Variants in NEIL3 observed in about 807,000 individuals in gnomAD.
The protein encoded by NEIL3 is nei like DNA glycosylase 3.
Under a neutral mutation model 57.5 loss-of-function variants are expected in NEIL3, and 48 were observed. The observed-to-expected ratio is 0.83, with a 90% CI of 0.66 to 1.06. The LOEUF is 1.06. Among genes scored for constraint, NEIL3 ranks in the 50% least tolerant of loss-of-function variants. NEIL3 has a pLI of 0.00. For synonymous variants in NEIL3, 261 were observed against 253.2 expected (o/e 1.03, Z -0.29); for missense variants, 717 against 739.1 (o/e 0.97, Z 0.35).
At chr4:177,355,862 A>C (rs1735461839) in intron 8 of NEIL3, among the ~76,000 whole-genome samples, 1 of 151,986 alleles carries the variant, frequency 6.6e-6, no homozygotes. Flanking sequence ...TTTATCCTTG[A>C]CTGGTTTTTT....
Position 177,362,516 on chromosome 4 carries a change from AT to A in NEIL3, c.*46del. The A allele has an allele frequency of 2.1e-6, 3 of 1,418,556 alleles. No homozygotes were observed. The highest frequency in any genetic ancestry group is 1.3e-5 in the South Asian group (1 of 75,422). The allele number at this position is 1,418,556 out of a possible 1,614,324, so 87.9% of individuals were successfully genotyped here. A position where few individuals can be genotyped will look rare whatever the true frequency, so the allele number is the denominator to read the frequency against. ...ATTTAGTCTCTTCAAACTGTGTATA[AT>A]GTTTGGTCCTCCTCTGTTTCATAGA... On this transcript the variant is annotated 3_prime_UTR_variant, in exon 10 of 10. Coordinates refer to ENST00000264596, the MANE Select transcript of NEIL3 (RefSeq NM_018248.3).
intron 8 of NEIL3, among the ~76,000 whole-genome samples, chr4:177,359,162 A>G (rs1015658874): frequency 4.6e-5 from 7 of 152,170 alleles, no homozygotes; most frequent in Non-Finnish European, 1.0e-4. Flanking sequence ...GGTATTACCC[A>G]TGACTTGAAA....
At chr4:177,351,604 C>A in intron 7 of NEIL3, 55 bp downstream of exon 7, 1 of 1,357,976 alleles carries the variant, frequency 7.4e-7, no homozygotes, top group Non-Finnish European at 1.0e-6. Context: ...GTTAATTATA[C>A]AAAGTCAGGA....
chr4:177,326,968 G>A (rs1162253577), intron 2 of NEIL3, among the ~76,000 whole-genome samples: 1 of 152,110 alleles, frequency 6.6e-6, no homozygotes, highest in African/African-American at 2.4e-5. Context: ...ATGTGTCGAG[G>A]TGTGGGGGGG....
chr4:177,346,838 A>G lies in NEIL3; in HGVS notation c.870-4542A>G, dbSNP rs141926014. 3.6e-3 allele frequency among the ~76,000 whole-genome samples: 546 copies of G among 152,164 alleles called. 6 individuals carry two copies. Among genetic ancestry groups the G allele is most frequent in the African/African-American group, 0.012 (478 of 41,516 alleles). The stretch of plus-strand genomic sequence containing the variant: ...AATGTGGGAAACCCCATCTCTACGA[A>G]AAATACAAAAATTAGCTGGGTGTGG... On this transcript the variant is annotated intron_variant, in intron 6 of 9. Coordinates refer to ENST00000264596, the MANE Select transcript of NEIL3 (RefSeq NM_018248.3).
At chr4:177,344,595 C>A (rs1364785818) in intron 6 of NEIL3, among the ~76,000 whole-genome samples, 1 of 151,132 alleles carries the variant, frequency 6.6e-6, no homozygotes, top group African/African-American at 2.4e-5. Flanking sequence ...GAGTCTCACT[C>A]TGATCACCCA....
chr4:177,351,567 TTTTGAG>T lies in NEIL3; in HGVS notation c.1039+23_1039+28del, dbSNP rs1735354206. 6.9e-6 allele frequency: 11 copies of T among 1,597,586 alleles called. No individual in the cohort carries two copies. Among genetic ancestry groups the T allele is most frequent in the Admixed American group, 3.4e-5 (2 of 58,214 alleles). ...GCCTATTGGTAAGACTGAATTTTGA[TTTTGAG>T]TTTGTTACATTTCTAAGAGGGTTAA... On this transcript the variant is annotated intron_variant, in intron 7 of 9. Transcript: ENST00000264596.
At chr4:177,357,159 C>T (rs1366233352) in intron 8 of NEIL3, 1 of 152,082 alleles carries the variant, frequency 6.6e-6, no homozygotes, top group Non-Finnish European at 1.5e-5. Flanking sequence ...TGTTTTAATC[C>T]TCGAAATAAT....
Position 177,310,115 on chromosome 4 carries a change from C to A in NEIL3, c.156+6C>A, listed in dbSNP as rs1373596950. ...CGGTTGTGGTCTCCCCGCAGGTGAGCTACTCCTGTAACAGGCCATGCAGTC... is the reference window on the plus strand; with the variant it reads ...CGGTTGTGGTCTCCCCGCAGGTGAGATACTCCTGTAACAGGCCATGCAGTC... On this transcript the variant is annotated splice_donor_region_variant and intron_variant, in intron 1 of 9. Transcript: ENST00000264596. 6.4e-7 allele frequency: 1 copy of A among 1,566,464 alleles called. No homozygotes were observed. Among genetic ancestry groups the A allele is most frequent in the African/African-American group, 1.4e-5 (1 of 71,980 alleles).
At chr4:177,317,549 T>C (rs1734597027) in intron 1 of NEIL3, among the ~76,000 whole-genome samples, 1 of 151,912 alleles carries the variant, frequency 6.6e-6, no homozygotes, top group African/African-American at 2.4e-5. Context: ...ACCAAAACTT[T>C]GTTTTGCTAA....
At chr4:177,347,407 G>A (rs1369771689) in intron 6 of NEIL3, among the ~76,000 whole-genome samples, 1 of 152,160 alleles carries the variant, frequency 6.6e-6, no homozygotes, top group Non-Finnish European at 1.5e-5. Context: ...GGAGCCTTTG[G>A]AGGGTTTTGA....
intron 8 of NEIL3, among the ~76,000 whole-genome samples, chr4:177,354,939 A>G (rs918346856): frequency 3.9e-5 from 6 of 152,176 alleles, no homozygotes; most frequent in Non-Finnish European, 5.9e-5. Context: ...GTCACCTGTG[A>G]TACAGAAATT....
chr4:177,323,818 C>A (rs1240442531), intron 2 of NEIL3, among the ~76,000 whole-genome samples: 1 of 152,092 alleles, frequency 6.6e-6, no homozygotes, highest in Non-Finnish European at 1.5e-5. Context: ...TGCTCTCCAC[C>A]AGACTGATAA....
intron 2 of NEIL3, among the ~76,000 whole-genome samples, chr4:177,327,167 C>A (rs904251231): frequency 2.0e-5 from 3 of 152,106 alleles, no homozygotes; most frequent in Non-Finnish European, 4.4e-5. Context: ...TTTCACCTTC[C>A]ACCATGATTG....
intron 2 of NEIL3, among the ~76,000 whole-genome samples, chr4:177,323,826 T>C (rs1007629713): frequency 1.3e-5 from 2 of 152,142 alleles, no homozygotes; most frequent in Non-Finnish European, 2.9e-5. Context: ...ACCAGACTGA[T>C]AAGGGGGAAG....
chr4:177,343,330 C>T (rs34268699), intron 6 of NEIL3: 8 of 152,146 alleles, frequency 5.3e-5, no homozygotes, highest in African/African-American at 1.9e-4. Context: ...TCCAACTTCT[C>T]AGTTCAGTAA....
rs1286540678 is a variant in NEIL3 at position 177,313,223 on chromosome 4, CA to C, written c.156+3120del. Reference sequence around the variant, plus strand: ...ATATTTAAACCTCAGATAATCATACCAAAAAACAAACCAAAAAACACTACTT... The same window carrying C: ...ATATTTAAACCTCAGATAATCATACCAAAAACAAACCAAAAAACACTACTT... On this transcript the variant is annotated intron_variant, in intron 1 of 9. Coordinates refer to ENST00000264596, the MANE Select transcript of NEIL3 (RefSeq NM_018248.3). Among the ~76,000 whole-genome samples the C allele has an allele frequency of 6.6e-5, 10 of 152,106 alleles. No individual in the cohort carries two copies. In the East Asian group the frequency reaches 1.5e-3, roughly 24 times the overall value.
chr4:177,357,034 C>T (rs1735487268), intron 8 of NEIL3: 1 of 152,202 alleles, frequency 6.6e-6, no homozygotes, highest in Non-Finnish European at 1.5e-5. Context: ...TGTCTTTAAT[C>T]ACCAGTGCAA....
intron 6 of NEIL3, among the ~76,000 whole-genome samples, chr4:177,347,185 G>T (rs1735239974): frequency 6.6e-6 from 1 of 152,104 alleles, no homozygotes; most frequent in African/African-American, 2.4e-5. Flanking sequence ...GAAAAGATTT[G>T]ATGACTTGTA....
Sources: allele counts gnomAD v4.1 joint callset (sites outside exome capture counted in the v4.1 genomes callset), GRCh38; gene constraint gnomAD v4.1.1; transcripts MANE v1.5; gene names NCBI Gene and HGNC (gene_info 2026-07-23, HGNC 2026-07-21).